NEBL: variants seen among roughly 807,000 people sequenced by gnomAD.
NEBL encodes the protein nebulette.
Under a neutral mutation model 140.2 loss-of-function variants are expected in NEBL, and 122 were observed. The ratio of observed to expected loss-of-function variants is 0.87; its 90% confidence interval spans 0.75 to 1.01. The LOEUF (loss-of-function observed/expected upper bound fraction) is 1.01, where lower values mean the gene tolerates loss of function less well. NEBL is among the 50% of genes least tolerant of loss of function. The pLI, the probability that NEBL is intolerant of heterozygous loss-of-function variation, is 0.00. For synonymous variants in NEBL, 436 were observed against 398.9 expected (o/e 1.09, Z -1.11); for missense variants, 1,365 against 1,231.3 (o/e 1.11, Z -1.62).
upstream of NEBL, among the ~76,000 whole-genome samples, chr10:20,900,949 C>T (rs1330902464): frequency 1.3e-5 from 2 of 151,746 alleles, no homozygotes; most frequent in African/African-American, 4.8e-5. Context: ...ACCCGGGAGG[C>T]GGAGGTTGCA....
At chr10:20,944,140 C>A (rs1311491247) in intron 4 of NEBL, among the ~76,000 whole-genome samples, 1 of 152,188 alleles carries the variant, frequency 6.6e-6, no homozygotes, top group African/African-American at 2.4e-5. Flanking sequence ...GGCTCAATGC[C>A]TGTAATCCCA....
intron 2 of NEBL, among the ~76,000 whole-genome samples, chr10:21,113,670 G>A (rs767017337): frequency 6.6e-6 from 1 of 152,036 alleles, no homozygotes; most frequent in Admixed American, 6.6e-5. Context: ...ATGTCATTTA[G>A]TTTGTAAAAA....
At chr10:20,805,253 T>C (rs867361163) in intron 26 of NEBL, among the ~76,000 whole-genome samples, 6 of 152,176 alleles carry the variant, frequency 3.9e-5, no homozygotes, top group Admixed American at 1.3e-4. Context: ...ATTGAACTTA[T>C]AAGGTTTGAT....
chr10:21,190,475 C>T (rs1014037188), intron 3 of NEBL, among the ~76,000 whole-genome samples: 4 of 152,286 alleles, frequency 2.6e-5, no homozygotes, highest in African/African-American at 9.6e-5. Context: ...CAGAGCGAGA[C>T]TCTGTCTCTA....
intron 1 of NEBL, among the ~76,000 whole-genome samples, chr10:21,288,820 G>GTGTGTATATATATA (rs1477748950): frequency 2.9e-5 from 1 of 35,026 alleles, no homozygotes; most frequent in African/African-American, 9.7e-5. Context: ...GTGTGTGTGT[G>GTGTGTATATATATA]TATATATATA....
At chr10:21,222,889 A>G (rs977608911) in intron 3 of NEBL, among the ~76,000 whole-genome samples, 3 of 152,150 alleles carry the variant, frequency 2.0e-5, no homozygotes, top group Non-Finnish European at 4.4e-5. Context: ...CAACCTCCCA[A>G]GTAGCTGGGA....
At chr10:21,041,813 G>A (rs1834279081) in intron 2 of NEBL, among the ~76,000 whole-genome samples, 1 of 152,188 alleles carries the variant, frequency 6.6e-6, no homozygotes, top group South Asian at 2.1e-4. Context: ...GGGAAGGCGT[G>A]GGCAATTTCC....
intron 4 of NEBL, among the ~76,000 whole-genome samples, chr10:20,915,412 T>G (rs1416038276): frequency 1.6e-4 from 14 of 88,736 alleles, no homozygotes; most frequent in East Asian, 3.7e-4. Context: ...CCCCTCCCCC[T>G]ACCCCACAAC....
chr10:20,866,750 T>G (rs1331855486), intron 7 of NEBL, among the ~76,000 whole-genome samples: 2 of 152,196 alleles, frequency 1.3e-5, no homozygotes, highest in African/African-American at 4.8e-5. Flanking sequence ...GTGATGGGTG[T>G]AAATGGGTGT....
chr10:21,192,955 A>T (rs1841596747), intron 3 of NEBL, among the ~76,000 whole-genome samples: 1 of 152,186 alleles, frequency 6.6e-6, no homozygotes, highest in South Asian at 2.1e-4. Context: ...CCCTAGAAAG[A>T]CTGACTCCGA....
At position 20,876,612 on chromosome 10, in the gene NEBL, G is replaced by A. The variant is rs113359337; in HGVS notation, c.480+4182C>T. Among the ~76,000 whole-genome samples, 711 of 152,174 alleles carry A rather than the reference G, an allele frequency of 4.7e-3. 2 individuals are homozygous for A. Among genetic ancestry groups the A allele is most frequent in the South Asian group, 0.021 (102 of 4,806 alleles). On this transcript the variant is annotated intron_variant, in intron 5 of 27. Transcript: ENST00000377122. The stretch of plus-strand genomic sequence containing the variant: ...GAACAGTAAGTCTTTCATTTCCCAC[G>A]CTGAATACTTCTTTCTAATACACAT...
intron 20 of NEBL, among the ~76,000 whole-genome samples, chr10:20,818,004 A>T (rs1166972766): frequency 1.3e-5 from 2 of 152,220 alleles, no homozygotes; most frequent in African/African-American, 4.8e-5. Flanking sequence ...GCCAGAATGA[A>T]GTCATTACAA....
At chr10:20,817,574 GA>G in intron 21 of NEBL, 25 bp downstream of exon 21, 1 of 1,564,340 alleles carries the variant, frequency 6.4e-7, no homozygotes. Context: ...GATAGTGTAA[GA>G]AAAAAGTTAC....
chr10:20,948,364 G>C (rs1189731615), intron 4 of NEBL, among the ~76,000 whole-genome samples: 1 of 152,162 alleles, frequency 6.6e-6, no homozygotes, highest in African/African-American at 2.4e-5. Flanking sequence ...CAGTGGTGTG[G>C]TTTATTTCAT....
At chr10:21,084,241 T>G (rs1836513293) in intron 2 of NEBL, among the ~76,000 whole-genome samples, 1 of 152,258 alleles carries the variant, frequency 6.6e-6, no homozygotes. Flanking sequence ...GTGTGGTTTA[T>G]GCGTTGAGTG....
intron 5 of NEBL, among the ~76,000 whole-genome samples, chr10:20,873,831 A>T (rs1236318010): frequency 6.6e-6 from 1 of 152,196 alleles, no homozygotes; most frequent in Non-Finnish European, 1.5e-5. Flanking sequence ...TTAAAGAAAA[A>T]TGATATCATA....
rs777879452 is a variant in NEBL at position 20,787,328 on chromosome 10, A to T, written c.2762-20T>A. 1 of 1,575,002 alleles carries T rather than the reference A, an allele frequency of 6.3e-7. No individual in the cohort carries two copies. Among genetic ancestry groups the T allele is most frequent in the Non-Finnish European group, 8.7e-7 (1 of 1,146,620 alleles). ...CAGGTGCTGCATGTTAAACATACAC[A>T]CACACAAAGATTCCTTAAAGTTAGC... On this transcript the variant is annotated intron_variant, in intron 26 of 27. Transcript: ENST00000377122.
At chr10:20,992,765 CTTTTTTTTTTTTTTTTTT>C (rs35627113) in intron 3 of NEBL, among the ~76,000 whole-genome samples, 3 of 52,454 alleles carry the variant, frequency 5.7e-5, no homozygotes, top group Admixed American at 3.3e-4. Context: ...ACTACAAAGT[CTTTTTTTTTTTTTTTTTT>C]TTTTTTTTTT....
intron 26 of NEBL, among the ~76,000 whole-genome samples, chr10:20,801,407 G>A (rs1837106571): frequency 6.6e-6 from 1 of 151,848 alleles, no homozygotes; most frequent in Non-Finnish European, 1.5e-5. Context: ...ATGTTGGCCA[G>A]GCTAGTCTCG....
Sources: allele counts gnomAD v4.1 joint callset (sites outside exome capture counted in the v4.1 genomes callset), GRCh38; gene constraint gnomAD v4.1.1; transcripts MANE v1.5; gene names NCBI Gene and HGNC (gene_info 2026-07-23, HGNC 2026-07-21).